The following MOB4 variants were observed in gnomAD, a reference collection of about 807,000 sequenced individuals.
MOB4 encodes MOB-like protein phocein.
In MOB4, 4 loss-of-function variants were observed where a neutral mutation model predicts 32.2. The ratio of observed to expected loss-of-function variants is 0.12; its 90% CI spans 0.06 to 0.28. The LOEUF (loss-of-function observed/expected upper bound fraction) is 0.28, where lower values mean the gene tolerates loss of function less well. Ranked by LOEUF, MOB4 falls within the 10% of genes least tolerant of loss-of-function variation. The probability of loss-of-function intolerance (pLI) is 1.00; values close to 1 mark genes in which losing one functional copy is unlikely to be tolerated. For synonymous variants in MOB4, 88 were observed against 88.1 expected, an observed-to-expected ratio of 1.00 and a Z score of 0.01; for missense variants, 158 against 271.2, an observed-to-expected ratio of 0.58 and a Z score of 2.93.
chr2:197,523,310 G>A (rs1188569947), intron 1 of MOB4, among the ~76,000 whole-genome samples: 7 of 152,058 alleles, frequency 4.6e-5, no homozygotes, highest in East Asian at 3.8e-4. Context: ...ACAGCCAGGC[G>A]CAGTGGGTCA....
intron 1 of MOB4, among the ~76,000 whole-genome samples, chr2:197,520,393 C>A (rs1212709025): frequency 6.6e-6 from 1 of 152,070 alleles, no homozygotes. Context: ...CCTGCCTCGG[C>A]CTCCCAAAGT....
At chr2:197,517,021 A>C (rs1371269550) in intron 1 of MOB4, among the ~76,000 whole-genome samples, 1 of 152,248 alleles carries the variant, frequency 6.6e-6, no homozygotes, top group Non-Finnish European at 1.5e-5. Context: ...AAAATGTTAA[A>C]AAGTGATGCA....
At chr2:197,547,749 G>A (rs2087022700) in intron 5 of MOB4, among the ~76,000 whole-genome samples, 4 of 152,116 alleles carry the variant, frequency 2.6e-5, no homozygotes, top group Admixed American at 2.6e-4. Flanking sequence ...CTCCCTGTCT[G>A]CCCTCAGGAG....
chr2:197,544,327 C>G (rs2086953409), intron 5 of MOB4, among the ~76,000 whole-genome samples: 1 of 152,180 alleles, frequency 6.6e-6, no homozygotes, highest in Non-Finnish European at 1.5e-5. Flanking sequence ...CTGCCTTGGC[C>G]TCCCAGTGTG....
At chr2:197,533,877 AT>A in intron 2 of MOB4, 1 of 648,102 alleles carries the variant, frequency 1.5e-6, no homozygotes, top group Non-Finnish European at 2.9e-6. Context: ...AAATCGTCCC[AT>A]TCCCCAGTGG....
At chr2:197,518,072 C>T (rs2086447107) in intron 1 of MOB4, among the ~76,000 whole-genome samples, 1 of 151,526 alleles carries the variant, frequency 6.6e-6, no homozygotes. Context: ...ACCCGGGAGG[C>T]GGAGGTTGCA....
chr2:197,544,795 A>G (rs1452338737), intron 5 of MOB4, among the ~76,000 whole-genome samples: 6 of 152,060 alleles, frequency 3.9e-5, no homozygotes, highest in African/African-American at 1.4e-4. Context: ...TGTGGTGTAT[A>G]TATTTTACTA....
intron 2 of MOB4, among the ~76,000 whole-genome samples, chr2:197,532,660 T>G (rs932036069): frequency 6.6e-6 from 1 of 151,974 alleles, no homozygotes; most frequent in African/African-American, 2.4e-5. Context: ...CACTCTAGCC[T>G]GGGCGACAGA....
intron 7 of MOB4, 58 bp from the exon 8 acceptor site, chr2:197,550,457 C>T: frequency 1.3e-6 from 2 of 1,583,092 alleles, no homozygotes; most frequent in African/African-American, 1.4e-5. Context: ...GATGTTATTT[C>T]TAGTCTTTTA....
chr2:197,531,203 A>G (rs1018237268), intron 2 of MOB4, among the ~76,000 whole-genome samples: 2 of 151,714 alleles, frequency 1.3e-5, no homozygotes, highest in African/African-American at 2.4e-5. Flanking sequence ...GCCCGCCACT[A>G]TGCCCGGCTA....
At chr2:197,545,734 G>A (rs994205671) in intron 5 of MOB4, among the ~76,000 whole-genome samples, 4 of 152,140 alleles carry the variant, frequency 2.6e-5, no homozygotes, top group Non-Finnish European at 5.9e-5. Context: ...GGCAAATCCT[G>A]TGAAACAGAA....
In MOB4 at chr2:197,552,057, T is replaced by G. The variant is rs1303597224; in HGVS notation, c.*1411T>G. On this transcript the variant is annotated 3_prime_UTR_variant, in exon 8 of 8. Coordinates refer to ENST00000323303, the MANE Select transcript of MOB4 (RefSeq NM_015387.5). ...TGTTTTTTCAAATTTAAGGGAATAA[T>G]TTATACCATCTTTTCAGACAAGAAT... 1 of 152,298 alleles carries G rather than the reference T, an allele frequency of 6.6e-6. No homozygotes were observed. Among genetic ancestry groups the G allele is most frequent in the African/African-American group, 2.4e-5 (1 of 41,430 alleles). 9.4% of individuals were successfully genotyped at this position (152,298 alleles called of 1,614,324 possible). A position where few individuals can be genotyped will look rare whatever the true frequency, so the allele number is the denominator to read the frequency against.
At chr2:197,546,993 C>A (rs1395901836) in intron 5 of MOB4, among the ~76,000 whole-genome samples, 1 of 152,148 alleles carries the variant, frequency 6.6e-6, no homozygotes, top group Non-Finnish European at 1.5e-5. Context: ...TGCCTGTAAA[C>A]CCAGCACTTT....
In MOB4 at chr2:197,523,618, T is replaced by C; in HGVS notation, c.61-6T>C. 8 of 1,607,882 alleles carry C rather than the reference T, an allele frequency of 5.0e-6. No homozygotes were observed. The highest frequency in any genetic ancestry group is 5.9e-6 in the Non-Finnish European group (7 of 1,178,486). On this transcript the variant is annotated splice_polypyrimidine_tract_variant and splice_region_variant and intron_variant, in intron 1 of 7. Coordinates refer to ENST00000323303, the MANE Select transcript of MOB4 (RefSeq NM_015387.5). ...ATGTGCTTTAACCGTGAATTTATTTTTATAGGATTTCTATAATTGGCCTGA... is the reference window on the plus strand; with the variant it reads ...ATGTGCTTTAACCGTGAATTTATTTCTATAGGATTTCTATAATTGGCCTGA...
At chr2:197,529,761 C>G (rs2086668114) in intron 2 of MOB4, among the ~76,000 whole-genome samples, 1 of 151,824 alleles carries the variant, frequency 6.6e-6, no homozygotes, top group South Asian at 2.1e-4. Flanking sequence ...TCAAGCCATT[C>G]TCCTGCCTCA....
At chr2:197,517,828 A>C (rs947158523) in intron 1 of MOB4, among the ~76,000 whole-genome samples, 12 of 152,174 alleles carry the variant, frequency 7.9e-5, no homozygotes, top group African/African-American at 2.7e-4. Flanking sequence ...TATTGGGTCA[A>C]AAGAAAAAAA....
intron 2 of MOB4, 25 bp downstream of exon 2, chr2:197,523,711 C>T: frequency 3.8e-6 from 6 of 1,592,856 alleles, no homozygotes; most frequent in Non-Finnish European, 4.3e-6. Context: ...TTCTTTTCAC[C>T]CTGTGTCTTT....
Position 197,540,172 on chromosome 2 carries a change from C to A in MOB4, c.267+19C>A. ...ACTTCAGGTAATATTTTCTTTAAGTCAAAGTTATAATTGAAAGTTCTGATT... is the reference window on the plus strand; with the variant it reads ...ACTTCAGGTAATATTTTCTTTAAGTAAAAGTTATAATTGAAAGTTCTGATT... On this transcript the variant is annotated intron_variant, in intron 4 of 7. Coordinates refer to ENST00000323303, the MANE Select transcript of MOB4 (RefSeq NM_015387.5). 1 of 1,600,566 alleles carries A rather than the reference C, an allele frequency of 6.2e-7. No homozygotes were observed. The highest frequency in any genetic ancestry group is 1.1e-5 in the South Asian group (1 of 87,872).
At chr2:197,524,499 C>T (rs557090544) in intron 2 of MOB4, among the ~76,000 whole-genome samples, 186 of 145,798 alleles carry the variant, frequency 1.3e-3, no homozygotes, top group Non-Finnish European at 2.4e-3. Context: ...TGCCACTGCA[C>T]TCCAGCCTGG....
Sources: gnomAD v4.1 joint callset for allele counts (sites outside exome capture counted in the v4.1 genomes callset) on GRCh38, gnomAD v4.1.1 for gene constraint, MANE v1.5 for transcripts, NCBI Gene and HGNC (gene_info 2026-07-23, HGNC 2026-07-21) for gene names.